Variants in NOTCH4 observed in about 807,000 individuals in gnomAD.
NOTCH4 encodes the protein notch receptor 4, also known as neurogenic locus notch homolog protein 4.
Under a neutral mutation model 189.0 loss-of-function variants are expected in NOTCH4, and 138 were observed. The observed-to-expected ratio is 0.73, with a 90% CI of 0.64 to 0.84. The LOEUF (loss-of-function observed/expected upper bound fraction) is 0.84. Ranked by LOEUF, NOTCH4 falls within the 40% of genes least tolerant of loss-of-function variation. The pLI, the probability that NOTCH4 is intolerant of heterozygous loss-of-function variation, is 0.00. For missense variants in NOTCH4, 2,286 were observed against 2,605.4 expected (o/e 0.88, Z 2.67); for synonymous variants, 942 against 1,032.8 (o/e 0.91, Z 1.69).
rs1788137853 is a variant in NOTCH4, at chr6:32,198,726, G to A, written c.4540C>T (p.Leu1514=). The A allele has an allele frequency of 6.2e-7, 1 of 1,610,698 alleles. No individual in the cohort carries two copies. The highest frequency in any genetic ancestry group is 8.5e-7 in the Non-Finnish European group (1 of 1,178,914). ...LGEDSIGLKA[L]KPKAEVDEDG... is the part of the protein sequence containing the mutation. ...TCATCAACTTCTGCCTTTGGCTTCA[G>A]TGCCCTGGAAAGGAATGGGTGGGTA... Residue 1514 remains leucine (L), a synonymous_variant, in exon 25 of 30, where the codon CTG becomes TTG. Transcript: ENST00000375023. The surrounding 1 kb of genome is among the most constrained non-coding windows in gnomAD (Gnocchi z 5.5).
chr6:32,202,233 C>T lies in NOTCH4; in HGVS notation c.3598G>A (p.Gly1200Arg), dbSNP rs1168803342. ...GCSGPGGNWD[G>R]GDCSLGVPDP... Reference sequence around the variant, plus strand: ...GGGACTCCCAGAGAGCAGTCCCCTCCATCCCAGTTTCCTCCCGGGCCACTG... The same window carrying T: ...GGGACTCCCAGAGAGCAGTCCCCTCTATCCCAGTTTCCTCCCGGGCCACTG... Residue 1200 changes from glycine to arginine, a missense_variant, in exon 21 of 30, where the codon GGA becomes AGA. Coordinates refer to ENST00000375023, the MANE Select transcript of NOTCH4 (RefSeq NM_004557.4). The surrounding 1 kb of genome is among the most constrained non-coding windows in gnomAD (Gnocchi z 5.7). 2 of 1,560,738 alleles carry T rather than the reference C, an allele frequency of 1.3e-6. No individual in the cohort carries two copies. The highest frequency in any genetic ancestry group is 4.5e-5 in the East Asian group (2 of 44,210).
intron 18 of NOTCH4, 130 bp from the exon 19 acceptor site, chr6:32,204,519 A>G (rs1788557081): frequency 6.1e-6 from 6 of 984,026 alleles, no homozygotes; most frequent in Middle Eastern, 3.1e-4. Context: ...CTCACCATCC[A>G]TCATGGCCAT....
chr6:32,219,698 T>C lies in NOTCH4; in HGVS notation c.1404A>G (p.Thr468=). Residue 468 remains threonine, a synonymous_variant, in exon 8 of 30, where the codon ACA becomes ACG. Coordinates refer to ENST00000375023, the MANE Select transcript of NOTCH4 (RefSeq NM_004557.4). ...SFNCLCPPGY[T]GSRCEADHNE... Reference sequence around the variant, plus strand: ...TGTGATCAGCCTCACAACGGGAGCCTGTGTAGCCAGGTGGACAGAGGCAGT... The same window carrying C: ...TGTGATCAGCCTCACAACGGGAGCCCGTGTAGCCAGGTGGACAGAGGCAGT... The C allele has an allele frequency of 6.2e-7, 1 of 1,612,968 alleles. No homozygotes were observed. Among genetic ancestry groups the C allele is most frequent in the Non-Finnish European group, 8.5e-7 (1 of 1,179,970 alleles).
Position 32,202,663 on chromosome 6 carries a change from C to A in NOTCH4, c.3232-64G>T. ...ATTATTCTTCCCGCTCTCCATCAAG[C>A]AAACTCTTGGGTTAAGACGGTGCAG... On this transcript the variant is annotated intron_variant, in intron 20 of 29. Transcript: ENST00000375023. The surrounding 1 kb of genome is among the most constrained non-coding windows in gnomAD (Gnocchi z 5.7). 1 of 1,454,534 alleles carries A rather than the reference C, an allele frequency of 6.9e-7. No individual in the cohort carries two copies. The highest frequency in any genetic ancestry group is 1.5e-5 in the African/African-American group (1 of 68,540). The allele number at this position is 1,454,534 out of a possible 1,614,324, so 90.1% of individuals were successfully genotyped here.
Position 32,222,943 on chromosome 6 carries a change from C to A in NOTCH4, c.155+62G>T, listed in dbSNP as rs1379554351. Reference sequence around the variant, plus strand: ...CTTCTTTGGTCTCACTTCCTCACCTCTCCCCCCCTGCTCTCCCTCCCCCTT... The same window carrying A: ...CTTCTTTGGTCTCACTTCCTCACCTATCCCCCCCTGCTCTCCCTCCCCCTT... On this transcript the variant is annotated intron_variant, in intron 2 of 29. Coordinates refer to ENST00000375023, the MANE Select transcript of NOTCH4 (RefSeq NM_004557.4). 4 of 1,556,088 alleles carry A rather than the reference C, an allele frequency of 2.6e-6. No homozygotes were observed. The African/African-American group carries it at 4.1e-5, about 16-fold the overall frequency.
chr6:32,197,802 C>T (rs1393467413), intron 26 of NOTCH4, among the ~76,000 whole-genome samples: 4 of 150,572 alleles, frequency 2.7e-5, no homozygotes, highest in Non-Finnish European at 4.4e-5. Context: ...TCTGACATTC[C>T]AGGGCAGTGG....
intron 6 of NOTCH4, 52 bp downstream of exon 6, chr6:32,220,353 C>T (rs898261518): frequency 1.2e-6 from 2 of 1,611,160 alleles, no homozygotes; most frequent in South Asian, 1.1e-5. Context: ...CCTGGTGCTT[C>T]TCTCACCCTC....
chr6:32,210,973 G>C lies in NOTCH4; in HGVS notation c.2681-37C>G. Reference sequence around the variant, plus strand: ...GACAAACAGGGATATACAAAGATAAGTGGGGGGCCGGGCGCCATGGCTTAC... The same window carrying C: ...GACAAACAGGGATATACAAAGATAACTGGGGGGCCGGGCGCCATGGCTTAC... On this transcript the variant is annotated intron_variant, in intron 17 of 29. Coordinates refer to ENST00000375023, the MANE Select transcript of NOTCH4 (RefSeq NM_004557.4). The surrounding 1 kb of genome is among the most constrained non-coding windows in gnomAD (Gnocchi z 4.8). 1.3e-6 allele frequency: 2 copies of C among 1,529,636 alleles called. No homozygotes were observed. The highest frequency in any genetic ancestry group is 2.6e-5 in the South Asian group (2 of 77,472). 94.8% of individuals were successfully genotyped at this position (1,529,636 alleles called of 1,614,324 possible). A position where few individuals can be genotyped will look rare whatever the true frequency, so the allele number is the denominator to read the frequency against.
chr6:32,199,151 G>T lies in NOTCH4; in HGVS notation c.4316-6C>A, dbSNP rs1240081443. 4 of 1,569,224 alleles carry T rather than the reference G, an allele frequency of 2.5e-6. No individual in the cohort carries two copies. The highest frequency in any genetic ancestry group is 3.5e-6 in the Non-Finnish European group (4 of 1,158,864). On this transcript the variant is annotated splice_polypyrimidine_tract_variant and splice_region_variant and intron_variant, in intron 23 of 29. Coordinates refer to ENST00000375023, the MANE Select transcript of NOTCH4 (RefSeq NM_004557.4). The surrounding 1 kb of genome is among the most constrained non-coding windows in gnomAD (Gnocchi z 4.9). The stretch of plus-strand genomic sequence containing the variant: ...AAGCTGGTTGGCAGGGGGTGCTGGT[G>T]GGAGAGACAGAGTCACAAAGAGAGG...
Position 32,201,218 on chromosome 6 carries a change from C to G in NOTCH4, c.4038G>C (p.Arg1346=). The change falls in exon 22 of 30, where the codon CGG becomes CGC. Residue 1346 remains arginine (R), a synonymous_variant. Transcript: ENST00000375023. This position sits in a 1 kb window ranked among gnomAD's most constrained non-coding sequence, Gnocchi z 5.5. ...RDMVYPYPGA[R]AEEKLGGTRD... is the part of the protein sequence containing the mutation. Reference sequence around the variant, plus strand: ...GAGTTCCTCCTAGCTTTTCTTCAGCCCGGGCCCCAGGATAGGGGTACACCA... The same window carrying G: ...GAGTTCCTCCTAGCTTTTCTTCAGCGCGGGCCCCAGGATAGGGGTACACCA... 6.2e-7 allele frequency: 1 copy of G among 1,612,994 alleles called. No homozygotes were observed. Among genetic ancestry groups the G allele is most frequent in the Non-Finnish European group, 8.5e-7 (1 of 1,180,000 alleles).
At chr6:32,207,176 G>A (rs2515890) in intron 18 of NOTCH4, among the ~76,000 whole-genome samples, 8,153 of 150,574 alleles carry the variant, frequency 0.054, 328 homozygotes, top group African/African-American at 0.11. Context: ...TGATCTGCCC[G>A]CCTTGGTCTC....
rs2127483225 is a variant in NOTCH4, at chr6:32,217,209, G to A, written c.1682C>T (p.Ala561Val). 2 of 1,613,064 alleles carry A rather than the reference G, an allele frequency of 1.2e-6. No homozygotes were observed. Among genetic ancestry groups the A allele is most frequent in the Non-Finnish European group, 1.7e-6 (2 of 1,179,994 alleles). ...DIDECRSSPC[A>V]NGGQCQDQPG... ...CTGGTCCTGGCACTGCCCACCATTGGCACAGGGAGAGCTTCTGCACTCATC... is the reference window on the plus strand; with the variant it reads ...CTGGTCCTGGCACTGCCCACCATTGACACAGGGAGAGCTTCTGCACTCATC... The change falls in exon 10 of 30, where the codon GCC becomes GTC. Residue 561 changes from alanine to valine, a missense_variant. Physicochemically the swap from Ala to Val is moderately conservative, Grantham distance 64. Transcript: ENST00000375023. The surrounding 1 kb of genome is among the most constrained non-coding windows in gnomAD (Gnocchi z 4.2).
intron 19 of NOTCH4, 109 bp downstream of exon 19, chr6:32,204,028 A>G: frequency 6.7e-7 from 1 of 1,490,146 alleles, no homozygotes; most frequent in South Asian, 1.2e-5. Context: ...GCGTGGAGGC[A>G]GGGGATGGAC....
At position 32,201,595 on chromosome 6, in the gene NOTCH4, G is replaced by A; in HGVS notation, c.3756-95C>T. 1 of 1,280,446 alleles carries A rather than the reference G, an allele frequency of 7.8e-7. No homozygotes were observed. The highest frequency in any genetic ancestry group is 1.0e-6 in the Non-Finnish European group (1 of 974,172). The allele number at this position is 1,280,446 out of a possible 1,614,324, so 79.3% of individuals were successfully genotyped here. On this transcript the variant is annotated intron_variant, in intron 21 of 29. Coordinates refer to ENST00000375023, the MANE Select transcript of NOTCH4 (RefSeq NM_004557.4). This position sits in a 1 kb window ranked among gnomAD's most constrained non-coding sequence, Gnocchi z 5.5. ...TTCCCCATATTTTGTGCCCTCTAGG[G>A]CTTTGGTTGCTAAGTGGGGGCAGCT... is the stretch of plus-strand genomic sequence containing the variant.
At position 32,217,246 on chromosome 6, in the gene NOTCH4, C is replaced by T. The variant is rs762392289; in HGVS notation, c.1645G>A (p.Glu549Lys). The stretch of plus-strand genomic sequence containing the variant: ...CTTCTGCACTCATCGATATCCTCCT[C>T]ACATCGGGTGCCGGAGAATCCTGGT... The part of the protein sequence containing the change: ...CLPGFSGTRC[E>K]EDIDECRSSP... The change falls in exon 10 of 30, where the codon GAG becomes AAG. Residue 549 changes from glutamate (E) to lysine (K), a missense_variant. Glu to Lys is a moderately conservative substitution (Grantham distance 56). Transcript: ENST00000375023. This position sits in a 1 kb window ranked among gnomAD's most constrained non-coding sequence, Gnocchi z 4.2. 65 of 1,612,790 alleles carry T rather than the reference C, an allele frequency of 4.0e-5. No homozygotes were observed. Among genetic ancestry groups the T allele is most frequent in the Non-Finnish European group, 5.4e-5 (64 of 1,179,902 alleles).
At position 32,196,430 on chromosome 6, in the gene NOTCH4, C is replaced by T. The variant is rs771480190; in HGVS notation, c.5201-9G>A. On this transcript the variant is annotated splice_polypyrimidine_tract_variant and intron_variant, in intron 28 of 29. Transcript: ENST00000375023. Reference sequence around the variant, plus strand: ...GTGCAGCGCAGTTTTCCCTAGGGGACGACGTGGGAGGTTGTTACCCCAGTT... The same window carrying T: ...GTGCAGCGCAGTTTTCCCTAGGGGATGACGTGGGAGGTTGTTACCCCAGTT... 1 of 1,612,384 alleles carries T rather than the reference C, an allele frequency of 6.2e-7. No homozygotes were observed. The highest frequency in any genetic ancestry group is 8.5e-7 in the Non-Finnish European group (1 of 1,179,812).
At position 32,195,968 on chromosome 6, in the gene NOTCH4, G is replaced by A. The variant is rs772446887; in HGVS notation, c.5481C>T (p.Ala1827=). 24 of 1,597,232 alleles carry A rather than the reference G, an allele frequency of 1.5e-5. No individual in the cohort carries two copies. The highest frequency in any genetic ancestry group is 2.0e-5 in the Non-Finnish European group (23 of 1,178,598). Residue 1827 remains alanine (A), a synonymous_variant, in exon 30 of 30, where the codon GCC becomes GCT. Transcript: ENST00000375023. The surrounding 1 kb of genome is among the most constrained non-coding windows in gnomAD (Gnocchi z 5.4). ...TLLEGAGPPE[A]RHKATPGREA... is the part of the protein sequence containing the mutation. ...CGCGGCCCGGCGTGGCTTTGTGACG[G>A]GCCTCTGGTGGCCCAGCCCCTTCCA... is the stretch of plus-strand genomic sequence containing the variant.
intron 29 of NOTCH4, 85 bp from the exon 30 acceptor site, chr6:32,196,235 C>A (rs1269305076): frequency 6.2e-7 from 1 of 1,611,094 alleles, no homozygotes; most frequent in Non-Finnish European, 8.5e-7. Context: ...CGACCACTGG[C>A]CCCTATCCCT....
chr6:32,203,995 G>C (rs1788518344), intron 19 of NOTCH4, 113 bp from the exon 20 acceptor site: 2 of 1,363,200 alleles, frequency 1.5e-6, no homozygotes, highest in African/African-American at 1.5e-5. Context: ...GGATCCTGGG[G>C]CATCTTTTCT....
Sources: gnomAD v4.1 joint callset for allele counts (sites outside exome capture counted in the v4.1 genomes callset) on GRCh38, gnomAD v4.1.1 for gene constraint, Gnocchi (gnomAD v3.1) non-coding constraint, MANE v1.5 for transcripts, NCBI Gene and HGNC (gene_info 2026-07-23, HGNC 2026-07-21) for gene names.